ANKRD27: variants seen among roughly 807,000 people sequenced by gnomAD.
ANKRD27 encodes ankyrin repeat domain-containing protein 27.
In ANKRD27, 112 loss-of-function variants were observed where a neutral mutation model predicts 129.7. The ratio of observed to expected loss-of-function variants is 0.86; its 90% CI spans 0.74 to 1.01. ANKRD27 has a LOEUF of 1.01. ANKRD27 is among the 50% of genes least tolerant of loss of function. The pLI, the probability that ANKRD27 is intolerant of heterozygous loss-of-function variation, is 0.00. For missense variants in ANKRD27, 1,258 were observed against 1,300.5 expected (o/e 0.97, Z 0.50); for synonymous variants, 516 against 511.2 (o/e 1.01, Z -0.13).
chr19:32,642,555 T>A (rs1403774065), intron 9 of ANKRD27, among the ~76,000 whole-genome samples: 1 of 151,992 alleles, frequency 6.6e-6, no homozygotes, highest in Non-Finnish European at 1.5e-5. Context: ...CTGGCCAACA[T>A]GGTGAAACCC....
intron 27 of ANKRD27, 64 bp downstream of exon 27, chr19:32,599,908 T>C (rs1266947866): frequency 6.6e-7 from 1 of 1,523,504 alleles, no homozygotes; most frequent in Non-Finnish European, 9.1e-7. Context: ...TTGAAGCAGC[T>C]TACGTGCAGC....
chr19:32,656,029 A>T (rs1858729046), intron 2 of ANKRD27, among the ~76,000 whole-genome samples: 1 of 60,596 alleles, frequency 1.7e-5, no homozygotes, highest in Admixed American at 1.8e-4. Flanking sequence ...AAAAAAAAAG[A>T]AGAAAAGAAA....
At chr19:32,604,893 A>AC (rs2145258061) in intron 24 of ANKRD27, among the ~76,000 whole-genome samples, 1 of 142,496 alleles carries the variant, frequency 7.0e-6, no homozygotes, top group African/African-American at 2.8e-5. Context: ...TCCCATCTCT[A>AC]CTAAAAAAAA....
At chr19:32,640,459 A>C in intron 10 of ANKRD27, 74 bp from the exon 11 acceptor site, 1 of 1,252,046 alleles carries the variant, frequency 8.0e-7, no homozygotes, top group Non-Finnish European at 1.2e-6. Flanking sequence ...ACTCCCTACC[A>C]CCGCACACCT....
At chr19:32,634,821 A>G (rs1276511975) in intron 12 of ANKRD27, among the ~76,000 whole-genome samples, 1 of 152,164 alleles carries the variant, frequency 6.6e-6, no homozygotes, top group African/African-American at 2.4e-5. Flanking sequence ...AGGCTGAGGC[A>G]GGAGAATCGC....
At chr19:32,607,577 CA>C (rs1349433740) in intron 23 of ANKRD27, 57 bp downstream of exon 23, 2 of 1,569,304 alleles carry the variant, frequency 1.3e-6, no homozygotes, top group African/African-American at 2.7e-5. Context: ...CTACCAAGCA[CA>C]AGGTCCTAGC....
At chr19:32,656,237 A>G (rs1967534621) in intron 2 of ANKRD27, among the ~76,000 whole-genome samples, 1 of 152,212 alleles carries the variant, frequency 6.6e-6, no homozygotes, top group Non-Finnish European at 1.5e-5. Context: ...ACTATGCCAC[A>G]GTGTGACAGT....
At chr19:32,669,551 T>C (rs557850348) in intron 1 of ANKRD27, among the ~76,000 whole-genome samples, 3 of 152,290 alleles carry the variant, frequency 2.0e-5, no homozygotes, top group South Asian at 4.1e-4. Context: ...GGATGCAATA[T>C]GGTCAGACTC....
At chr19:32,653,769 G>T (rs12974486) in intron 2 of ANKRD27, among the ~76,000 whole-genome samples, 6 of 152,076 alleles carry the variant, frequency 3.9e-5, no homozygotes, top group Non-Finnish European at 8.8e-5. Context: ...GAGGGAAGGA[G>T]CAGTCAAGCT....
At chr19:32,643,722 T>G in intron 5 of ANKRD27, 91 bp from the exon 6 acceptor site, 2 of 1,304,838 alleles carry the variant, frequency 1.5e-6, no homozygotes, top group Non-Finnish European at 2.2e-6. Flanking sequence ...GAGCTTCAAG[T>G]GCTAACACAA....
intron 9 of ANKRD27, among the ~76,000 whole-genome samples, chr19:32,642,630 G>A (rs530996961): frequency 5.3e-5 from 8 of 152,212 alleles, no homozygotes; most frequent in South Asian, 2.1e-4. Context: ...CCCGCTACTC[G>A]GGAGGCTGAG....
chr19:32,649,867 G>A (rs1360951838), intron 2 of ANKRD27, 75 bp from the exon 3 acceptor site: 1 of 986,892 alleles, frequency 1.0e-6, no homozygotes, highest in Non-Finnish European at 1.6e-6. Context: ...TGTCCCCAAA[G>A]GCGCTCCAGC....
chr19:32,615,837 A>T (rs954171447), intron 21 of ANKRD27, 57 bp from the exon 22 acceptor site: 1 of 1,581,616 alleles, frequency 6.3e-7, no homozygotes, highest in African/African-American at 1.4e-5. Flanking sequence ...TGCATGCACA[A>T]TATCTTAAAC....
rs1967244896 is a variant in ANKRD27, at chr19:32,643,613, A to G, written c.544T>C (p.Tyr182His). ...RHHIDSANAL[Y>H]TKCLQQLLRD... The stretch of plus-strand genomic sequence containing the variant: ...AGAAGCTGCTGGAGGCATTTGGTGT[A>G]GAGAGCATTCGCTGAGTCCTAAACC... The change falls in exon 6 of 29, where the codon TAC (tyrosine) becomes CAC (histidine). Residue 182 changes from tyrosine (Y) to histidine (H), a missense_variant. By Grantham distance (83) the Tyr-to-His change is moderately conservative (BLOSUM62 2). Transcript: ENST00000306065. 1 of 1,613,960 alleles carries G rather than the reference A, an allele frequency of 6.2e-7. No individual in the cohort carries two copies. The highest frequency in any genetic ancestry group is 8.5e-7 in the Non-Finnish European group (1 of 1,180,032).
rs1344139848 is a variant in ANKRD27 at position 32,658,944 on chromosome 19, C to G, written c.72G>C (p.Leu24Phe). 48 of 1,613,942 alleles carry G rather than the reference C, an allele frequency of 3.0e-5. No individual in the cohort carries two copies. Among genetic ancestry groups the G allele is most frequent in the Admixed American group, 5.0e-5 (3 of 59,982 alleles). The change falls in exon 2 of 29, where the codon TTG becomes TTC. Residue 24 changes from leucine to phenylalanine, a missense_variant. Physicochemically the swap from Leu to Phe is conservative, Grantham distance 22. Transcript: ENST00000306065. ...YLALQKCRPDLCSKVAQIHGI... is the reference protein window; with the variant it reads ...YLALQKCRPDFCSKVAQIHGI... Reference sequence around the variant, plus strand: ...CATGGATTTGGGCCACTTTGCTGCACAAGTCAGGGCGGCACTTTTGCAGAG... The same window carrying G: ...CATGGATTTGGGCCACTTTGCTGCAGAAGTCAGGGCGGCACTTTTGCAGAG...
intron 2 of ANKRD27, among the ~76,000 whole-genome samples, chr19:32,652,454 G>A (rs1015252338): frequency 6.6e-6 from 1 of 152,070 alleles, no homozygotes; most frequent in Non-Finnish European, 1.5e-5. Flanking sequence ...TTAGCCAGGC[G>A]CGGTGGCAAC....
chr19:32,628,568 G>A (rs1966932635), intron 14 of ANKRD27, among the ~76,000 whole-genome samples, 154 bp downstream of exon 14: 1 of 152,186 alleles, frequency 6.6e-6, no homozygotes, highest in Non-Finnish European at 1.5e-5. Flanking sequence ...ATTCTCCAAA[G>A]GGGCAGCTGT....
rs1460845968 is a variant in ANKRD27, at chr19:32,604,396, T to C, written c.2522A>G (p.Asn841Ser). Residue 841 changes from asparagine to serine, a missense_variant, in exon 25 of 29, where the codon AAT becomes AGT. Physicochemically the swap from Asn to Ser is conservative, Grantham distance 46. Transcript: ENST00000306065. ...QHGASINASN[N>S]KGNTALHEAV... is the part of the protein sequence containing the mutation. ...CTCGTGCAGCGCTGTGTTGCCCTTA[T>C]TGTTAGAAGCGTTAATGGAGGCCCC... 2 of 1,610,862 alleles carry C rather than the reference T, an allele frequency of 1.2e-6. No individual in the cohort carries two copies. Among genetic ancestry groups the C allele is most frequent in the African/African-American group, 1.3e-5 (1 of 74,906 alleles).
At chr19:32,654,316 T>C (rs182732588) in intron 2 of ANKRD27, among the ~76,000 whole-genome samples, 306 of 152,124 alleles carry the variant, frequency 2.0e-3, no homozygotes, top group Middle Eastern at 6.8e-3. Flanking sequence ...CTGGGCAACA[T>C]AGTGAGACCC....
Sources: gnomAD v4.1 joint callset for allele counts (sites outside exome capture counted in the v4.1 genomes callset) on GRCh38, gnomAD v4.1.1 for gene constraint, MANE v1.5 for transcripts, NCBI Gene and HGNC (gene_info 2026-07-23, HGNC 2026-07-21) for gene names.